Variants in ARMH1 observed in about 807,000 individuals in gnomAD.
The protein encoded by ARMH1 is armadillo like helical domain containing 1.
In ARMH1, 34 loss-of-function variants were observed where a neutral mutation model predicts 50.2. That is an observed-to-expected ratio of 0.68 (90% CI 0.51 to 0.90). ARMH1 has a LOEUF of 0.90. Among genes scored for constraint, ARMH1 ranks in the 40% least tolerant of loss-of-function variants. ARMH1 has a pLI of 0.00. For synonymous variants in ARMH1, 221 were observed against 224.2 expected (o/e 0.99, Z 0.13); for missense variants, 538 against 553.9 (o/e 0.97, Z 0.29).
At chr1:44,693,974 C>T (rs1645743004) in intron 2 of ARMH1, among the ~76,000 whole-genome samples, 1 of 152,148 alleles carries the variant, frequency 6.6e-6, no homozygotes, top group African/African-American at 2.4e-5. Flanking sequence ...AGGATCTCTC[C>T]CACTCCAATC....
Position 44,689,919 on chromosome 1 carries a change from C to T in ARMH1, c.206+16C>T, listed in dbSNP as rs942952749. On this transcript the variant is annotated intron_variant, in intron 2 of 11. Coordinates refer to ENST00000535358, the MANE Select transcript of ARMH1 (RefSeq NM_001145636.2). ...TTAGAATCACGTATCCTTTACTGAA[C>T]AGAAAAAAAAAAATTAGGCACCGGG... is the stretch of plus-strand genomic sequence containing the variant. 1.3e-6 allele frequency: 2 copies of T among 1,530,192 alleles called. No homozygotes were observed. Among genetic ancestry groups the T allele is most frequent in the Admixed American group, 2.1e-5 (1 of 46,576 alleles). 94.8% of individuals were successfully genotyped at this position (1,530,192 alleles called of 1,614,324 possible).
At chr1:44,709,652 CAG>C (rs1354634094) in intron 6 of ARMH1, among the ~76,000 whole-genome samples, 6 of 147,650 alleles carry the variant, frequency 4.1e-5, no homozygotes, top group African/African-American at 1.5e-4. Context: ...AGCCTGGCAA[CAG>C]AGTGAGACTC....
At chr1:44,696,978 G>C (rs530038357) in intron 2 of ARMH1, 124 bp from the exon 3 acceptor site, 1 of 681,808 alleles carries the variant, frequency 1.5e-6, no homozygotes, top group South Asian at 1.7e-5. Flanking sequence ...CTCCTCTCAG[G>C]GTAAAGAGGC....
chr1:44,677,222 T>A (rs1050290096), intron 1 of ARMH1, among the ~76,000 whole-genome samples: 12 of 152,202 alleles, frequency 7.9e-5, no homozygotes, highest in African/African-American at 2.7e-4. Flanking sequence ...GCAAACAGAT[T>A]TCTGGGCAGT....
intron 6 of ARMH1, among the ~76,000 whole-genome samples, chr1:44,713,119 G>A (rs1218075280): frequency 1.0e-4 from 3 of 30,138 alleles, no homozygotes; most frequent in African/African-American, 1.4e-4. Context: ...TTTTTTTTTT[G>A]AGACAGTCTT....
chr1:44,699,350 G>A (rs763554150), intron 4 of ARMH1, among the ~76,000 whole-genome samples: 2 of 151,920 alleles, frequency 1.3e-5, no homozygotes, highest in Non-Finnish European at 2.9e-5. Context: ...CCTACTGTGT[G>A]CTAGGTATAT....
At position 44,724,781 on chromosome 1, in the gene ARMH1, C is replaced by T. The variant is rs761372736; in HGVS notation, c.1070C>T (p.Pro357Leu). Reference protein sequence around the residue: ...LTLECFVQMFPLVAEHVRKCM... With the variant: ...LTLECFVQMFLLVAEHVRKCM... Reference sequence around the variant, plus strand: ...GCGCAGTGCTTCGTGCAGATGTTCCCCTTGGTGGCGGAGCACGTGCGCAAG... The same window carrying T: ...GCGCAGTGCTTCGTGCAGATGTTCCTCTTGGTGGCGGAGCACGTGCGCAAG... The change falls in exon 10 of 12, where the codon CCC becomes CTC. Residue 357 changes from proline to leucine, a missense_variant. Transcript: ENST00000535358. The surrounding 1 kb of genome is among the most constrained non-coding windows in gnomAD (Gnocchi z 6.4). 3.2e-6 allele frequency: 5 copies of T among 1,544,234 alleles called. No homozygotes were observed. The highest frequency in any genetic ancestry group is 1.2e-5 in the South Asian group (1 of 83,984).
chr1:44,724,439 C>T lies in ARMH1; in HGVS notation c.920+47C>T. The T allele has an allele frequency of 6.5e-7, 1 of 1,536,972 alleles. No individual in the cohort carries two copies. Among genetic ancestry groups the T allele is most frequent in the Admixed American group, 2.0e-5 (1 of 50,382 alleles). On this transcript the variant is annotated intron_variant, in intron 8 of 11. Transcript: ENST00000535358. The surrounding 1 kb of genome is among the most constrained non-coding windows in gnomAD (Gnocchi z 6.4). Reference sequence around the variant, plus strand: ...GGTAGCTGCAGCAAGCCTGGCTTGGCGCTGCCGGCGGGCCCCGGGAGCGCT... The same window carrying T: ...GGTAGCTGCAGCAAGCCTGGCTTGGTGCTGCCGGCGGGCCCCGGGAGCGCT...
At chr1:44,712,207 C>T (rs1423058488) in intron 6 of ARMH1, among the ~76,000 whole-genome samples, 4 of 152,148 alleles carry the variant, frequency 2.6e-5, no homozygotes, top group African/African-American at 9.7e-5. Context: ...ACCTGTAATC[C>T]CAGAACTTTG....
chr1:44,721,691 T>TC (rs1647172098), intron 6 of ARMH1: 1 of 151,982 alleles, frequency 6.6e-6, no homozygotes, highest in Admixed American at 6.6e-5. Context: ...ACCACACCAC[T>TC]CCGCTACAAC....
chr1:44,706,619 C>T (rs969303933), intron 6 of ARMH1, among the ~76,000 whole-genome samples: 2 of 152,158 alleles, frequency 1.3e-5, no homozygotes, highest in South Asian at 4.1e-4. Flanking sequence ...GAATGTCAGG[C>T]ATGTTATTCC....
intron 5 of ARMH1, 138 bp from the exon 6 acceptor site, chr1:44,703,951 C>T (rs1211626680): frequency 2.3e-5 from 14 of 605,090 alleles, no homozygotes; most frequent in Non-Finnish European, 3.0e-5. Flanking sequence ...TGGTCTGGAT[C>T]TCCTGACCTC....
chr1:44,701,104 T>G lies in ARMH1; in HGVS notation c.624T>G (p.Thr208=). 1 of 1,550,698 alleles carries G rather than the reference T, an allele frequency of 6.4e-7. No individual in the cohort carries two copies. Among genetic ancestry groups the G allele is most frequent in the Non-Finnish European group, 8.7e-7 (1 of 1,146,440 alleles). The change falls in exon 5 of 12, where the codon ACT becomes ACG. Residue 208 remains threonine (T), a synonymous_variant. Transcript: ENST00000535358. Reference sequence around the variant, plus strand: ...AAGCCCAGCAGCTGTCCCTGCAGACTCTCAGGACTGCCCAGGTGAGCCAAG... The same window carrying G: ...AAGCCCAGCAGCTGTCCCTGCAGACGCTCAGGACTGCCCAGGTGAGCCAAG... ...SPKAQQLSLQ[T]LRTAQPIIGT...
At chr1:44,684,932 C>T (rs1412427565) in intron 1 of ARMH1, among the ~76,000 whole-genome samples, 3 of 152,034 alleles carry the variant, frequency 2.0e-5, no homozygotes, top group East Asian at 1.9e-4. Flanking sequence ...CATGCCATGG[C>T]GAGGTGTCTG....
In ARMH1 at chr1:44,683,042, A is replaced by G. The variant is rs534123878; in HGVS notation, c.-22-6634A>G. Among the ~76,000 whole-genome samples the G allele has an allele frequency of 6.6e-6, 1 of 152,358 alleles. No homozygotes were observed. Among genetic ancestry groups the G allele is most frequent in the South Asian group, 2.1e-4 (1 of 4,830 alleles). Reference sequence around the variant, plus strand: ...TGTTGCAGTAATCCATATGCGGAACAAGGGTGTGAAACTGAAATAGCGGCA... The same window carrying G: ...TGTTGCAGTAATCCATATGCGGAACGAGGGTGTGAAACTGAAATAGCGGCA... On this transcript the variant is annotated intron_variant, in intron 1 of 11. Transcript: ENST00000535358. This position sits in a 1 kb window ranked among gnomAD's most constrained non-coding sequence, Gnocchi z 4.2.
At chr1:44,718,541 G>C (rs1646943755) in intron 6 of ARMH1, among the ~76,000 whole-genome samples, 1 of 152,218 alleles carries the variant, frequency 6.6e-6, no homozygotes, top group Non-Finnish European at 1.5e-5. Flanking sequence ...AGCCAGGGAA[G>C]CTCAAGTGCT....
chr1:44,713,620 T>C (rs1263274867), intron 6 of ARMH1, among the ~76,000 whole-genome samples: 4 of 152,214 alleles, frequency 2.6e-5, no homozygotes, highest in Non-Finnish European at 5.9e-5. Flanking sequence ...TAAAAGTCTA[T>C]AAAACAGTCT....
At chr1:44,678,229 A>G (rs375102011) in intron 1 of ARMH1, among the ~76,000 whole-genome samples, 1 of 152,244 alleles carries the variant, frequency 6.6e-6, no homozygotes, top group East Asian at 1.9e-4. Context: ...GGATGAGGGC[A>G]GGTCTGTGGA....
chr1:44,707,207 AG>A (rs1256171047), intron 6 of ARMH1, among the ~76,000 whole-genome samples: 2 of 151,654 alleles, frequency 1.3e-5, no homozygotes, highest in African/African-American at 4.8e-5. Flanking sequence ...TTATATCCTC[AG>A]CACAGTCCCC....
Sources: gnomAD v4.1 joint callset for allele counts (sites outside exome capture counted in the v4.1 genomes callset) on GRCh38, gnomAD v4.1.1 for gene constraint, Gnocchi (gnomAD v3.1) non-coding constraint, MANE v1.5 for transcripts, NCBI Gene and HGNC (gene_info 2026-07-23, HGNC 2026-07-21) for gene names.